The following CFAP47 variants were observed in gnomAD, a reference collection of about 807,000 sequenced individuals.
CFAP47 encodes the protein cilia- and flagella-associated protein 47.
CFAP47 carries 29 observed loss-of-function variants against 148.1 expected under a neutral mutation model. The ratio of observed to expected loss-of-function variants is 0.20; its 90% CI spans 0.15 to 0.27. CFAP47 has a LOEUF of 0.27. CFAP47 is among the 10% of genes least tolerant of loss of function. The pLI is 1.00. For synonymous variants in CFAP47, 664 were observed against 577.3 expected (o/e 1.15, Z -2.15); for missense variants, 1,872 against 1,697.5 (o/e 1.10, Z -1.81).
At chrX:36,282,775 C>T (rs1941093611) in intron 50 of CFAP47, among the ~76,000 whole-genome samples, 1 of 111,577 alleles carries the variant, frequency 9.0e-6, no homozygotes, top group Non-Finnish European at 1.9e-5. Context: ...CAATTGCATG[C>T]ATTACAACAG....
chrX:35,993,852 C>A (rs1936815793), intron 18 of CFAP47, among the ~76,000 whole-genome samples: 1 of 111,313 alleles, frequency 9.0e-6, no homozygotes, highest in Non-Finnish European at 1.9e-5. Flanking sequence ...AATGCTAATT[C>A]TAAAGAGTCT....
chrX:36,035,454 T>C (rs776768925), intron 23 of CFAP47, among the ~76,000 whole-genome samples: 17 of 111,825 alleles, frequency 1.5e-4, no homozygotes, highest in African/African-American at 5.5e-4. Context: ...TAAGTTTACA[T>C]AAGATCTTTG....
At chrX:36,259,304 G>A (rs1442136812) in intron 49 of CFAP47, among the ~76,000 whole-genome samples, 2 of 110,620 alleles carry the variant, frequency 1.8e-5, no homozygotes, top group Non-Finnish European at 3.8e-5. Context: ...ACTGGCTTAG[G>A]GCATGCATGA....
intron 49 of CFAP47, among the ~76,000 whole-genome samples, chrX:36,254,322 T>C (rs1267632794): frequency 5.4e-5 from 6 of 111,044 alleles, no homozygotes; most frequent in Non-Finnish European, 1.1e-4. Context: ...GATGGATGTG[T>C]TTGGAGTGCA....
At chrX:36,239,272 T>G (rs1303882898) in intron 48 of CFAP47, among the ~76,000 whole-genome samples, 2 of 112,452 alleles carry the variant, frequency 1.8e-5, no homozygotes, top group Non-Finnish European at 3.8e-5. Flanking sequence ...TGGCAAAAAT[T>G]GTCAAAATCG....
chrX:36,371,649 T>TA (rs1941941586), intron 62 of CFAP47, among the ~76,000 whole-genome samples: 3 of 85,068 alleles, frequency 3.5e-5, no homozygotes, highest in Admixed American at 2.4e-4. Context: ...CACATATGTG[T>TA]ATATATGTGT....
At chrX:35,986,402 G>C in intron 15 of CFAP47, among the ~76,000 whole-genome samples, 1 of 107,719 alleles carries the variant, frequency 9.3e-6, no homozygotes, top group Non-Finnish European at 1.9e-5. Flanking sequence ...GGATTGTGCT[G>C]TTGGTACTTG....
chrX:36,204,977 C>T lies in CFAP47; in HGVS notation c.6684C>T (p.Ile2228=). 1 of 297,246 alleles carries T rather than the reference C, an allele frequency of 3.4e-6. No individual in the cohort carries two copies. Among genetic ancestry groups the T allele is most frequent in the African/African-American group, 2.7e-5 (1 of 36,970 alleles). The allele number at this position is 297,246 out of a possible 1,213,427, so 24.5% of individuals were successfully genotyped here. A position where few individuals can be genotyped will look rare whatever the true frequency, so the allele number is the denominator to read the frequency against. The part of the protein sequence containing the change: ...TKIETLMLFR[I]SKLRKPKTVS... ...CACAGACTCTTATGCTCTTTCGTAT[C>T]TCAAAGTTGAGGAAGCCTAAGACCG... The change falls in exon 45 of 64, where the codon ATC becomes ATT. Residue 2228 remains isoleucine, a synonymous_variant. Coordinates refer to ENST00000378653, the MANE Select transcript of CFAP47 (RefSeq NM_001304548.2).
At chrX:36,213,569 C>T (rs1229241792) in intron 45 of CFAP47, among the ~76,000 whole-genome samples, 1 of 111,753 alleles carries the variant, frequency 8.9e-6, no homozygotes, top group Non-Finnish European at 1.9e-5. Flanking sequence ...CCACCATGGT[C>T]CAACATCTCC....
chrX:35,931,722 C>T (rs1169403928), intron 2 of CFAP47, among the ~76,000 whole-genome samples: 1 of 111,220 alleles, frequency 9.0e-6, no homozygotes, highest in Non-Finnish European at 1.9e-5. Context: ...TTTCTGGATA[C>T]TTCAATATGC....
intron 55 of CFAP47, among the ~76,000 whole-genome samples, chrX:36,310,504 T>TA (rs3841264): frequency 1.1e-3 from 109 of 101,370 alleles, no homozygotes; most frequent in Middle Eastern, 5.0e-3. Context: ...TCAAGTTTGT[T>TA]AAAAAAAAAA....
chrX:36,266,865 G>A (rs1164401177), intron 49 of CFAP47, among the ~76,000 whole-genome samples: 3 of 111,139 alleles, frequency 2.7e-5, no homozygotes, highest in Admixed American at 1.9e-4. Flanking sequence ...GGCCTGGAAC[G>A]TATCCTGCCA....
In CFAP47 at chrX:36,366,948, TCTC is replaced by T. The variant is rs1556020386; in HGVS notation, c.9024-15_9024-13del. The T allele has an allele frequency of 9.3e-7, 1 of 1,072,569 alleles. No individual in the cohort carries two copies. The highest frequency in any genetic ancestry group is 1.2e-6 in the Non-Finnish European group (1 of 813,135). The allele number at this position is 1,072,569 out of a possible 1,213,427, so 88.4% of individuals were successfully genotyped here. A position where few individuals can be genotyped will look rare whatever the true frequency, so the allele number is the denominator to read the frequency against. On this transcript the variant is annotated splice_polypyrimidine_tract_variant and intron_variant, in intron 61 of 63. Transcript: ENST00000378653. ...TGTTTTCACGTAGTGTCATTTAAAA[TCTC>T]CTTTTATATTCAAGGTCTCACATAA...
In CFAP47 at chrX:36,117,576, A is replaced by G. The variant is rs151243388; in HGVS notation, c.5320+12885A>G. 8.5e-3 allele frequency among the ~76,000 whole-genome samples: 948 copies of G among 111,737 alleles called. 7 individuals carry two copies. The highest frequency in any genetic ancestry group is 0.012 in the Non-Finnish European group (649 of 53,088). On this transcript the variant is annotated intron_variant, in intron 33 of 63. Transcript: ENST00000378653. The stretch of plus-strand genomic sequence containing the variant: ...AAATGCCTATTCAAACCTTTTGCCC[A>G]TTTTTTGATTGGATTATTCCATTTT...
At chrX:36,247,990 T>C (rs1940638617) in intron 48 of CFAP47, among the ~76,000 whole-genome samples, 1 of 110,359 alleles carries the variant, frequency 9.1e-6, no homozygotes, top group African/African-American at 3.3e-5. Context: ...CCAAAGTGGC[T>C]GGAGTATTTC....
chrX:36,234,718 G>A (rs1048657987), intron 46 of CFAP47, among the ~76,000 whole-genome samples: 26 of 111,682 alleles, frequency 2.3e-4, no homozygotes, highest in Non-Finnish European at 3.6e-4. Context: ...CAGTTTTTCT[G>A]CTCTGTTTTT....
chrX:36,298,011 G>C (rs1941259904), intron 51 of CFAP47, among the ~76,000 whole-genome samples: 1 of 108,502 alleles, frequency 9.2e-6, no homozygotes, highest in African/African-American at 3.4e-5. Context: ...CGATTCCTCA[G>C]GGATCTAGAA....
intron 2 of CFAP47, among the ~76,000 whole-genome samples, chrX:35,928,015 G>GTATA (rs1394858953): frequency 1.0e-5 from 1 of 99,907 alleles, no homozygotes; most frequent in African/African-American, 3.7e-5. Flanking sequence ...ATATATATAT[G>GTATA]TATATATATA....
At chrX:36,208,621 C>T (rs1027429899) in intron 45 of CFAP47, among the ~76,000 whole-genome samples, 1 of 111,692 alleles carries the variant, frequency 9.0e-6, no homozygotes, top group Admixed American at 9.5e-5. Flanking sequence ...ACTCTTCAGC[C>T]TCAAAATATA....
Sources: allele counts gnomAD v4.1 joint callset (sites outside exome capture counted in the v4.1 genomes callset), GRCh38; gene constraint gnomAD v4.1.1; transcripts MANE v1.5; gene names NCBI Gene and HGNC (gene_info 2026-07-23, HGNC 2026-07-21).